OSBPL2: variants seen among roughly 807,000 people sequenced by gnomAD.
The protein encoded by OSBPL2 is oxysterol-binding protein-related protein 2.
Under a neutral mutation model 58.4 loss-of-function variants are expected in OSBPL2, and 18 were observed. The ratio of observed to expected loss-of-function variants is 0.31; its 90% confidence interval spans 0.21 to 0.46. The LOEUF (loss-of-function observed/expected upper bound fraction) is 0.46. Ranked by LOEUF, OSBPL2 falls within the 20% of genes least tolerant of loss-of-function variation. The pLI is 1.00. For synonymous variants in OSBPL2, 221 were observed against 234.1 expected, an observed-to-expected ratio of 0.94 and a Z score of 0.51; for missense variants, 461 against 616.5, an observed-to-expected ratio of 0.75 and a Z score of 2.67.
At chr20:62,273,850 C>T (rs1982223951) in intron 6 of OSBPL2, among the ~76,000 whole-genome samples, 1 of 152,202 alleles carries the variant, frequency 6.6e-6, no homozygotes, top group Admixed American at 6.5e-5. Context: ...CAAAGAGGAG[C>T]TTCACTCCCA....
At chr20:62,275,160 C>T (rs987957478) in intron 6 of OSBPL2, among the ~76,000 whole-genome samples, 1 of 152,116 alleles carries the variant, frequency 6.6e-6, no homozygotes, top group African/African-American at 2.4e-5. Flanking sequence ...GACCGTGCCA[C>T]TGAACTCTAA....
intron 11 of OSBPL2, 24 bp from the exon 12 acceptor site, chr20:62,289,182 CG>C (rs762371216): frequency 6.2e-7 from 1 of 1,612,346 alleles, no homozygotes; most frequent in African/African-American, 1.3e-5. Flanking sequence ...CTGCTGAGGT[CG>C]TGTCTCTGTG....
chr20:62,291,466 C>A, intron 12 of OSBPL2: 1 of 534,772 alleles, frequency 1.9e-6, no homozygotes, highest in East Asian at 3.4e-5. Flanking sequence ...TCGTAGAACA[C>A]GCAGCACATG....
chr20:62,241,256 G>A (rs1979710345), intron 1 of OSBPL2, among the ~76,000 whole-genome samples: 1 of 151,804 alleles, frequency 6.6e-6, no homozygotes, highest in Non-Finnish European at 1.5e-5. Flanking sequence ...CTGCAAACGC[G>A]AACTCAGCTC....
At chr20:62,249,924 G>A (rs994041014) in intron 1 of OSBPL2, among the ~76,000 whole-genome samples, 2 of 152,232 alleles carry the variant, frequency 1.3e-5, no homozygotes, top group African/African-American at 4.8e-5. Flanking sequence ...AGGGAGGAAG[G>A]ACTGAGGACC....
chr20:62,244,862 C>G (rs566476497), intron 1 of OSBPL2, among the ~76,000 whole-genome samples: 1 of 152,332 alleles, frequency 6.6e-6, no homozygotes, highest in Admixed American at 6.5e-5. Flanking sequence ...CTCAAGGTCA[C>G]CCTCTTGGCA....
intron 1 of OSBPL2, among the ~76,000 whole-genome samples, chr20:62,245,034 C>T (rs577724561): frequency 6.6e-6 from 1 of 152,308 alleles, no homozygotes; most frequent in South Asian, 2.1e-4. Flanking sequence ...CAGGGCCTTC[C>T]CGAGTCAGGG....
At chr20:62,245,162 G>A (rs1384534558) in intron 1 of OSBPL2, among the ~76,000 whole-genome samples, 1 of 151,624 alleles carries the variant, frequency 6.6e-6, no homozygotes, top group Non-Finnish European at 1.5e-5. Context: ...GCAGTGGCGC[G>A]ATCTCGGCTC....
intron 3 of OSBPL2, among the ~76,000 whole-genome samples, chr20:62,260,799 G>T (rs1981247882): frequency 6.6e-6 from 1 of 151,714 alleles, no homozygotes; most frequent in South Asian, 2.1e-4. Context: ...ACCAGCCTGG[G>T]CAACATGGCA....
chr20:62,279,034 TG>T, intron 6 of OSBPL2, 122 bp from the exon 7 acceptor site: 2 of 751,826 alleles, frequency 2.7e-6, no homozygotes, highest in Non-Finnish European at 4.3e-6. Context: ...TTCCGCCACA[TG>T]TTGTGGCATG....
At chr20:62,281,919 C>G in intron 9 of OSBPL2, 40 bp downstream of exon 9, 1 of 1,385,802 alleles carries the variant, frequency 7.2e-7, no homozygotes, top group Non-Finnish European at 1.0e-6. Context: ...CCACTACAGC[C>G]TGTGTGTCCA....
intron 1 of OSBPL2, among the ~76,000 whole-genome samples, chr20:62,243,419 C>T (rs1345647280): frequency 6.6e-6 from 1 of 152,072 alleles, no homozygotes. Context: ...CCCGAGGAGC[C>T]CTAGCGCCTG....
intron 1 of OSBPL2, among the ~76,000 whole-genome samples, chr20:62,243,854 TA>T (rs1003395674): frequency 1.1e-4 from 2 of 18,940 alleles, no homozygotes; most frequent in Non-Finnish European, 1.8e-4. Flanking sequence ...ATTTTTTAAT[TA>T]AAAAAAAATT....
intron 2 of OSBPL2, 140 bp downstream of exon 2, chr20:62,256,361 T>C (rs1339697501): frequency 1.2e-5 from 8 of 666,068 alleles, no homozygotes; most frequent in Non-Finnish European, 2.0e-5. Flanking sequence ...AAACACGGAC[T>C]GTTCAGCAAA....
At chr20:62,239,905 T>C (rs1036771404) in intron 1 of OSBPL2, among the ~76,000 whole-genome samples, 1 of 152,180 alleles carries the variant, frequency 6.6e-6, no homozygotes. Context: ...CAGGCTGGAG[T>C]GCAGTGGTGC....
At chr20:62,278,883 CCAA>C (rs1432125366) in intron 6 of OSBPL2, 5 of 393,762 alleles carry the variant, frequency 1.3e-5, no homozygotes, top group East Asian at 4.8e-5. Flanking sequence ...GTGTTTGTTG[CCAA>C]CGTTAGGCCA....
chr20:62,238,582 A>T lies in OSBPL2; in HGVS notation c.-144A>T, dbSNP rs1024290169. The T allele has an allele frequency of 2.7e-5, 4 of 147,640 alleles. No individual in the cohort carries two copies. Among genetic ancestry groups the T allele is most frequent in the Non-Finnish European group, 6.0e-5 (4 of 66,650 alleles). The allele number at this position is 147,640 out of a possible 1,614,324, so 9.1% of individuals were successfully genotyped here. A position where few individuals can be genotyped will look rare whatever the true frequency, so the allele number is the denominator to read the frequency against. The stretch of plus-strand genomic sequence containing the variant: ...CGGCAGTGAGCTCGGCCGGCAACCG[A>T]GGGACCCGCGTCCAGGTGAGTGGCC... On this transcript the variant is annotated 5_prime_UTR_variant, in exon 1 of 14. Transcript: ENST00000313733.
At chr20:62,287,713 C>T (rs1983223659) in intron 11 of OSBPL2, among the ~76,000 whole-genome samples, 1 of 152,226 alleles carries the variant, frequency 6.6e-6, no homozygotes, top group Admixed American at 6.5e-5. Context: ...CTGCCTTGGC[C>T]TCCTGAGTTG....
chr20:62,268,125 C>T (rs892226462), intron 4 of OSBPL2, among the ~76,000 whole-genome samples: 1 of 149,126 alleles, frequency 6.7e-6, no homozygotes, highest in Non-Finnish European at 1.5e-5. Flanking sequence ...TCTCAAACTC[C>T]TGACCTTGTG....
Sources: allele counts gnomAD v4.1 joint callset (sites outside exome capture counted in the v4.1 genomes callset), GRCh38; gene constraint gnomAD v4.1.1; transcripts MANE v1.5; gene names NCBI Gene and HGNC (gene_info 2026-07-23, HGNC 2026-07-21).